The following GPC5 variants were observed in gnomAD, a reference collection of about 807,000 sequenced individuals.
The protein encoded by GPC5 is glypican-5.
GPC5 carries 47 observed loss-of-function variants against 53.9 expected under a neutral mutation model. That is an observed-to-expected ratio of 0.87 (90% CI 0.69 to 1.11). The LOEUF is 1.11. Among genes scored for constraint, GPC5 ranks in the 50% most tolerant of loss-of-function variants. GPC5 has a pLI of 0.00. For missense variants in GPC5, 748 were observed against 713.1 expected (o/e 1.05, Z -0.56); for synonymous variants, 286 against 263.3 (o/e 1.09, Z -0.84).
At chr13:91,712,400 G>GTA (rs1434343607) in intron 3 of GPC5, among the ~76,000 whole-genome samples, 1 of 151,696 alleles carries the variant, frequency 6.6e-6, no homozygotes, top group African/African-American at 2.4e-5. Context: ...GTGTGTGTGT[G>GTA]TGTATATATA....
At chr13:92,625,534 T>A (rs1417189027) in intron 7 of GPC5, among the ~76,000 whole-genome samples, 3 of 152,210 alleles carry the variant, frequency 2.0e-5, no homozygotes, top group Non-Finnish European at 4.4e-5. Flanking sequence ...GCTATCAATG[T>A]GGAGTTCAGT....
chr13:91,628,189 G>A (rs937200581), intron 2 of GPC5, among the ~76,000 whole-genome samples: 2 of 152,026 alleles, frequency 1.3e-5, no homozygotes, highest in African/African-American at 2.4e-5. Flanking sequence ...TTGCCATAAC[G>A]TGATCTGATT....
At chr13:92,239,288 A>C (rs190256451) in intron 7 of GPC5, among the ~76,000 whole-genome samples, 9 of 152,086 alleles carry the variant, frequency 5.9e-5, no homozygotes, top group Admixed American at 2.0e-4. Context: ...TCTGTCAATA[A>C]ATAGGAGAGT....
chr13:92,070,474 A>G (rs2041201949), intron 6 of GPC5, among the ~76,000 whole-genome samples: 1 of 152,204 alleles, frequency 6.6e-6, no homozygotes, highest in East Asian at 1.9e-4. Context: ...CAAATGTTCT[A>G]TTAAATGAGG....
intron 7 of GPC5, among the ~76,000 whole-genome samples, chr13:92,348,881 G>A (rs1003176666): frequency 4.6e-5 from 7 of 151,918 alleles, no homozygotes; most frequent in African/African-American, 1.7e-4. Flanking sequence ...ACAAACAAAA[G>A]TGGAAACACA....
chr13:92,152,009 G>A (rs952659866), intron 7 of GPC5, among the ~76,000 whole-genome samples: 2 of 152,120 alleles, frequency 1.3e-5, no homozygotes, highest in Non-Finnish European at 2.9e-5. Flanking sequence ...GGATGAGAAG[G>A]TTTCCTGGGA....
chr13:92,848,902 G>A (rs1878699853), intron 7 of GPC5, among the ~76,000 whole-genome samples: 1 of 152,070 alleles, frequency 6.6e-6, no homozygotes, highest in Non-Finnish European at 1.5e-5. Context: ...GAATGAGTAT[G>A]ATTTTTATTC....
intron 6 of GPC5, among the ~76,000 whole-genome samples, chr13:91,928,085 T>C (rs1373754616): frequency 6.6e-6 from 1 of 152,216 alleles, no homozygotes; most frequent in African/African-American, 2.4e-5. Flanking sequence ...CCATCTGTTC[T>C]CAGTTACTGA....
chr13:92,153,662 T>C (rs1165020034), intron 7 of GPC5, among the ~76,000 whole-genome samples: 3 of 152,190 alleles, frequency 2.0e-5, no homozygotes, highest in Non-Finnish European at 4.4e-5. Flanking sequence ...CAAAAGATTA[T>C]GTACAGCTCT....
intron 6 of GPC5, among the ~76,000 whole-genome samples, chr13:91,929,705 G>C (rs1594670022): frequency 1.3e-5 from 2 of 151,802 alleles, no homozygotes; most frequent in Admixed American, 6.6e-5. Context: ...CCACAATAGT[G>C]GTACATTTTC....
At chr13:91,852,637 G>C (rs1412927193) in intron 5 of GPC5, among the ~76,000 whole-genome samples, 1 of 152,046 alleles carries the variant, frequency 6.6e-6, no homozygotes, top group Admixed American at 6.6e-5. Context: ...ACACATCACT[G>C]CATTTTCTTG....
intron 2 of GPC5, among the ~76,000 whole-genome samples, chr13:91,620,440 A>G (rs1208552926): frequency 2.0e-5 from 3 of 152,132 alleles, no homozygotes; most frequent in Admixed American, 6.6e-5. Flanking sequence ...TTTTGATAAA[A>G]TGACAAAAAA....
At chr13:92,528,717 A>C (rs544461985) in intron 7 of GPC5, among the ~76,000 whole-genome samples, 64 of 152,180 alleles carry the variant, frequency 4.2e-4, no homozygotes, top group African/African-American at 1.3e-3. Flanking sequence ...AATAAGGTAA[A>C]TGTTCAAGTG....
chr13:91,683,793 T>C (rs1464466808), intron 2 of GPC5, among the ~76,000 whole-genome samples: 1 of 152,230 alleles, frequency 6.6e-6, no homozygotes, highest in Non-Finnish European at 1.5e-5. Context: ...TATATCCATA[T>C]GTGAATATTC....
At chr13:92,776,016 G>A (rs192286353) in intron 7 of GPC5, among the ~76,000 whole-genome samples, 3 of 152,164 alleles carry the variant, frequency 2.0e-5, no homozygotes, top group African/African-American at 2.4e-5. Flanking sequence ...TCCTACAGGC[G>A]CTGTAAGAAT....
intron 6 of GPC5, among the ~76,000 whole-genome samples, chr13:92,109,498 C>T (rs1192171266): frequency 6.6e-6 from 1 of 152,022 alleles, no homozygotes; most frequent in Non-Finnish European, 1.5e-5. Context: ...TGATTTCTTC[C>T]GTTAGGCTTT....
intron 7 of GPC5, among the ~76,000 whole-genome samples, chr13:92,385,421 CATATATACAT>C (rs2043789230): frequency 3.3e-5 from 1 of 30,080 alleles, no homozygotes; most frequent in African/African-American, 7.9e-5. Context: ...CATATATATA[CATATATACAT>C]ATATACATAT....
chr13:92,573,277 A>G (rs576755670), intron 7 of GPC5, among the ~76,000 whole-genome samples: 24 of 152,332 alleles, frequency 1.6e-4, no homozygotes, highest in African/African-American at 5.8e-4. Flanking sequence ...TCAAAAGCAT[A>G]TAGTGAGCAT....
chr13:91,468,441 C>A (rs1401790838), intron 2 of GPC5, among the ~76,000 whole-genome samples: 2 of 152,042 alleles, frequency 1.3e-5, no homozygotes, highest in African/African-American at 4.8e-5. Context: ...TGGGCCCACT[C>A]CAATGTGATT....
Sources: allele counts gnomAD v4.1 joint callset (sites outside exome capture counted in the v4.1 genomes callset), GRCh38; gene constraint gnomAD v4.1.1; transcripts MANE v1.5; gene names NCBI Gene and HGNC (gene_info 2026-07-23, HGNC 2026-07-21).